ITGA4: variants seen among roughly 807,000 people sequenced by gnomAD.
The protein encoded by ITGA4 is integrin subunit alpha 4, also known as integrin alpha-4.
A neutral mutation model predicts 133.6 loss-of-function variants in ITGA4; 63 were observed. The observed-to-expected ratio is 0.47, with a 90% CI of 0.38 to 0.58. The LOEUF is 0.58. Ranked by LOEUF, ITGA4 falls within the 20% of genes least tolerant of loss-of-function variation. The probability of loss-of-function intolerance (pLI) is 0.00; values close to 1 mark genes in which losing one functional copy is unlikely to be tolerated. For missense variants in ITGA4, 1,076 were observed against 1,252.7 expected (o/e 0.86, Z 2.13); for synonymous variants, 483 against 438.0 (o/e 1.10, Z -1.28).
chr2:181,501,599 A>G (rs1488369413), intron 15 of ITGA4, among the ~76,000 whole-genome samples: 1 of 152,162 alleles, frequency 6.6e-6, no homozygotes, highest in Non-Finnish European at 1.5e-5. Context: ...GTGGCAGTGG[A>G]TATGGTAAGA....
chr2:181,498,125 GTTCAC>G (rs1317075233), intron 14 of ITGA4, among the ~76,000 whole-genome samples: 2 of 151,760 alleles, frequency 1.3e-5, no homozygotes, highest in Non-Finnish European at 1.5e-5. Context: ...TTAATCATGT[GTTCAC>G]TTCATGTATA....
In ITGA4 at chr2:181,525,282, CTG is replaced by C. The variant is rs1406062061; in HGVS notation, c.2332_2333del (p.Val778SerfsTer15). 6.4e-7 allele frequency: 1 copy of C among 1,564,866 alleles called. No homozygotes were observed. Among genetic ancestry groups the C allele is most frequent in the African/African-American group, 1.4e-5 (1 of 73,956 alleles). The stretch of plus-strand genomic sequence containing the variant: ...CCTTTAAAATATGAGGTTAAGCTGA[CTG>C]TTCATGGGTAAGTAGACATAAAGGC... On this transcript the variant is annotated frameshift_variant, in exon 21 of 28. Transcript: ENST00000397033. LOFTEE classifies it high-confidence loss of function.
intron 2 of ITGA4, among the ~76,000 whole-genome samples, chr2:181,460,861 A>G (rs1369973531): frequency 6.6e-6 from 1 of 152,192 alleles, no homozygotes; most frequent in East Asian, 1.9e-4. Context: ...ATGAAACACA[A>G]TGAGAAATTT....
intron 10 of ITGA4, among the ~76,000 whole-genome samples, chr2:181,488,016 A>G (rs983433592): frequency 5.3e-5 from 8 of 152,248 alleles, no homozygotes; most frequent in African/African-American, 1.9e-4. Flanking sequence ...TTTAATTGAC[A>G]CATTTAAAGA....
chr2:181,527,690 A>T (rs1686862314), intron 22 of ITGA4, among the ~76,000 whole-genome samples: 1 of 150,708 alleles, frequency 6.6e-6, no homozygotes, highest in African/African-American at 2.4e-5. Flanking sequence ...CTAGAGACAC[A>T]TACAGAAAAC....
intron 2 of ITGA4, among the ~76,000 whole-genome samples, chr2:181,467,877 G>C (rs1685458611): frequency 6.6e-6 from 1 of 152,150 alleles, no homozygotes; most frequent in Admixed American, 6.6e-5. Flanking sequence ...CTGTAGGGTA[G>C]GATTAATAAT....
intron 17 of ITGA4, among the ~76,000 whole-genome samples, chr2:181,513,421 CTCTT>C (rs1175533531): frequency 2.0e-5 from 3 of 152,144 alleles, no homozygotes; most frequent in Admixed American, 1.3e-4. Context: ...GCATTCTTTT[CTCTT>C]TCTTATTTCT....
chr2:181,525,268 T>C lies in ITGA4; in HGVS notation c.2316T>C (p.Tyr772=), dbSNP rs1425051050. Residue 772 remains tyrosine, a synonymous_variant, in exon 21 of 28, where the codon TAT becomes TAC. Coordinates refer to ENST00000397033, the MANE Select transcript of ITGA4 (RefSeq NM_000885.6). ...SRVTVAIPLK[Y]EVKLTVHGFV... ...TGACTGTAGCAATACCTTTAAAATA[T>C]GAGGTTAAGCTGACTGTTCATGGGT... The C allele has an allele frequency of 1.3e-6, 2 of 1,597,128 alleles. No homozygotes were observed. The highest frequency in any genetic ancestry group is 4.5e-5 in the East Asian group (2 of 44,620).
At chr2:181,467,064 C>T (rs1033619622) in intron 2 of ITGA4, among the ~76,000 whole-genome samples, 2 of 151,996 alleles carry the variant, frequency 1.3e-5, no homozygotes, top group East Asian at 3.8e-4. Context: ...GGATTATATA[C>T]TTTAATTATT....
At chr2:181,500,056 C>G (rs1228726543) in intron 15 of ITGA4, among the ~76,000 whole-genome samples, 1 of 152,038 alleles carries the variant, frequency 6.6e-6, no homozygotes, top group Non-Finnish European at 1.5e-5. Context: ...TGTAGTGTTA[C>G]CATGGCTTTG....
At position 181,493,404 on chromosome 2, in the gene ITGA4, G is replaced by A. The variant is rs368002151; in HGVS notation, c.1233G>A (p.Ser411=). The A allele has an allele frequency of 6.2e-5, 100 of 1,606,480 alleles. No individual in the cohort carries two copies. Among genetic ancestry groups the A allele is most frequent in the Non-Finnish European group, 7.3e-5 (86 of 1,173,808 alleles). The part of the protein sequence containing the change: ...YIYNGRADGI[S]STFSQRIEGL... Reference sequence around the variant, plus strand: ...ACAATGGCCGTGCAGATGGGATCTCGTCAACCTTCTCACAGGTAAGGTACT... The same window carrying A: ...ACAATGGCCGTGCAGATGGGATCTCATCAACCTTCTCACAGGTAAGGTACT... The change falls in exon 11 of 28, where the codon TCG becomes TCA. Residue 411 remains serine, a synonymous_variant. Coordinates refer to ENST00000397033, the MANE Select transcript of ITGA4 (RefSeq NM_000885.6).
intron 21 of ITGA4, among the ~76,000 whole-genome samples, chr2:181,526,002 T>C (rs2105767941): frequency 6.6e-6 from 1 of 152,356 alleles, no homozygotes; most frequent in African/African-American, 2.4e-5. Context: ...AATAGACAGA[T>C]GAGCCTTTCC....
rs1323768170 is a variant in ITGA4, at chr2:181,530,628, C to T, written c.2643C>T (p.Ser881=). 6.2e-7 allele frequency: 1 copy of T among 1,612,132 alleles called. No individual in the cohort carries two copies. The highest frequency in any genetic ancestry group is 1.3e-5 in the African/African-American group (1 of 74,974). ...TGAAAGGCATAGTCCGGTTCTTGTC[C>T]AAGACTGATAAGAGGCTATTGGTAA... ...QTLKGIVRFL[S]KTDKRLLYCI... The change falls in exon 24 of 28, where the codon TCC becomes TCT. Residue 881 remains serine (S), a synonymous_variant. Transcript: ENST00000397033.
intron 23 of ITGA4, among the ~76,000 whole-genome samples, 176 bp downstream of exon 23, chr2:181,529,824 AC>A (rs1453767171): frequency 6.6e-6 from 1 of 152,206 alleles, no homozygotes; most frequent in African/African-American, 2.4e-5. Context: ...TGAATATTAT[AC>A]ATTTCTTTAG....
intron 2 of ITGA4, among the ~76,000 whole-genome samples, chr2:181,466,836 G>A (rs959224416): frequency 1.3e-5 from 2 of 152,094 alleles, no homozygotes; most frequent in Non-Finnish European, 2.9e-5. Context: ...GCCCTCTGCT[G>A]GCTCAGTTCA....
chr2:181,472,775 C>T (rs1685585268), intron 2 of ITGA4, among the ~76,000 whole-genome samples: 1 of 152,198 alleles, frequency 6.6e-6, no homozygotes, highest in Admixed American at 6.5e-5. Flanking sequence ...ATCTCCCACA[C>T]ACAATTTTTT....
At position 181,538,848 on chromosome 2, in the gene ITGA4, TAGAA is replaced by T. The variant is rs1473272851; in HGVS notation, c.*3324_*3327del. Among the ~76,000 whole-genome samples the T allele has an allele frequency of 1.3e-5, 2 of 152,154 alleles. No individual in the cohort carries two copies. Among genetic ancestry groups the T allele is most frequent in the Non-Finnish European group, 2.9e-5 (2 of 68,000 alleles). On this transcript the variant is annotated 3_prime_UTR_variant, in exon 28 of 28. Coordinates refer to ENST00000397033, the MANE Select transcript of ITGA4 (RefSeq NM_000885.6). ...CTGTAGTTTATGCACAACAATAAAT[TAGAA>T]AGCCAATGTAGACACGCATAACCAA...
chr2:181,500,948 A>T (rs1024495811), intron 15 of ITGA4, among the ~76,000 whole-genome samples: 2 of 152,192 alleles, frequency 1.3e-5, no homozygotes, highest in Admixed American at 6.5e-5. Context: ...AGGGCAGAGT[A>T]CAGAAATGTG....
chr2:181,512,020 G>C (rs1025020025), intron 17 of ITGA4, among the ~76,000 whole-genome samples: 5 of 152,054 alleles, frequency 3.3e-5, no homozygotes, highest in African/African-American at 1.2e-4. Flanking sequence ...TAAATTCATA[G>C]AAGGGGAAAC....
Sources: gnomAD v4.1 joint callset for allele counts (sites outside exome capture counted in the v4.1 genomes callset) on GRCh38, gnomAD v4.1.1 for gene constraint, MANE v1.5 for transcripts, NCBI Gene and HGNC (gene_info 2026-07-23, HGNC 2026-07-21) for gene names.